The following OXR1 variants were observed in gnomAD, a reference collection of about 807,000 sequenced individuals.
The protein encoded by OXR1 is oxidation resistance protein 1.
In OXR1, 41 loss-of-function variants were observed where a neutral mutation model predicts 104.6. That is an observed-to-expected ratio of 0.39 (90% CI 0.31 to 0.51). OXR1 has a LOEUF of 0.51. Ranked by LOEUF, OXR1 falls within the 20% of genes least tolerant of loss-of-function variation. The probability of loss-of-function intolerance (pLI) is 0.77; values close to 1 mark genes in which losing one functional copy is unlikely to be tolerated. For missense variants in OXR1, 955 were observed against 1,031.9 expected (o/e 0.93, Z 1.02); for synonymous variants, 348 against 348.4 (o/e 1.00, Z 0.01).
intron 1 of OXR1, among the ~76,000 whole-genome samples, chr8:106,347,650 A>T (rs58351058): frequency 0.36 from 54,441 of 151,718 alleles, 10,070 homozygotes; most frequent in Admixed American, 0.44. Context: ...AGCCAGATCA[A>T]ATAAGTAAAT....
In OXR1 at chr8:106,518,999, C is replaced by G; in HGVS notation, c.80C>G (p.Ala27Gly). ...DINAPGFNPL[A>G]GAGKQTPQAS... ...AATGCTCCAGGGTTCAACCCTTTGG[C>G]TGGTGCAGGAAAGCAAACACCACAA... The change falls in exon 3 of 17, where the codon GCT becomes GGT. Residue 27 changes from alanine (A) to glycine (G), a missense_variant. Ala to Gly is a moderately conservative substitution (Grantham distance 60). Around this residue, in one of 2 missense-constraint regions of OXR1, gnomAD observed 849 missense variants for 852.9 expected, o/e 1.00. Coordinates refer to ENST00000517566, the MANE Select transcript of OXR1 (RefSeq NM_001198533.2). 6.4e-7 allele frequency: 1 copy of G among 1,551,692 alleles called. No individual in the cohort carries two copies.
In OXR1 at chr8:106,270,587, G is replaced by T. The variant is rs566194060; in HGVS notation, c.-139+220G>T. On this transcript the variant is annotated intron_variant, in intron 1 of 16. Coordinates refer to ENST00000517566, the MANE Select transcript of OXR1 (RefSeq NM_001198533.2). ...GAGCAGGAGGGCAGAACTAGCTCCA[G>T]CGGGGGCCCAGAGGGCGGACTTGGG... 3.3e-5 allele frequency among the ~76,000 whole-genome samples: 5 copies of T among 152,160 alleles called. No individual in the cohort carries two copies. The South Asian group carries it at 1.0e-3, about 32-fold the overall frequency.
intron 3 of OXR1, among the ~76,000 whole-genome samples, chr8:106,594,126 A>T (rs996404707): frequency 1.3e-5 from 2 of 152,222 alleles, no homozygotes; most frequent in African/African-American, 4.8e-5. Flanking sequence ...ACATATTTTC[A>T]GCAAAGGTCA....
intron 3 of OXR1, among the ~76,000 whole-genome samples, chr8:106,668,219 G>A (rs1826551807): frequency 6.6e-6 from 1 of 151,944 alleles, no homozygotes; most frequent in Non-Finnish European, 1.5e-5. Context: ...CTTTTAGAAT[G>A]TCCTCCTTGA....
At chr8:106,573,612 G>C (rs1283671911) in intron 3 of OXR1, among the ~76,000 whole-genome samples, 1 of 152,130 alleles carries the variant, frequency 6.6e-6, no homozygotes, top group Non-Finnish European at 1.5e-5. Context: ...TTCAAATAAA[G>C]CCATTGTAAA....
At chr8:106,581,154 G>A (rs916877100) in intron 3 of OXR1, 8 of 1,271,288 alleles carry the variant, frequency 6.3e-6, no homozygotes, top group African/African-American at 4.7e-5. Flanking sequence ...GAAATAATCC[G>A]GTGAAATAGC....
At chr8:106,644,067 ATTTAT>A (rs138155944) in intron 3 of OXR1, among the ~76,000 whole-genome samples, 4,215 of 152,298 alleles carry the variant, frequency 0.028, 190 homozygotes, top group African/African-American at 0.096. Flanking sequence ...TTATAAAGAT[ATTTAT>A]TGAGAGAATA....
At chr8:106,606,929 A>C (rs1256115578) in intron 3 of OXR1, among the ~76,000 whole-genome samples, 2 of 152,196 alleles carry the variant, frequency 1.3e-5, no homozygotes, top group African/African-American at 4.8e-5. Flanking sequence ...CCCTTCTCTG[A>C]ATGGTTTTTG....
intron 2 of OXR1, among the ~76,000 whole-genome samples, chr8:106,385,629 G>A (rs1393339366): frequency 6.6e-6 from 1 of 152,106 alleles, no homozygotes; most frequent in Non-Finnish European, 1.5e-5. Context: ...ATGAGTAACC[G>A]TCCAAGGTCA....
At chr8:106,359,671 GA>G in intron 2 of OXR1, 35 bp downstream of exon 2, 1 of 1,463,606 alleles carries the variant, frequency 6.8e-7, no homozygotes, top group Non-Finnish European at 9.4e-7. Flanking sequence ...AAATGTAAAT[GA>G]AAATATATCA....
intron 3 of OXR1, among the ~76,000 whole-genome samples, chr8:106,521,703 G>A (rs568202354): frequency 1.3e-5 from 2 of 152,222 alleles, no homozygotes; most frequent in East Asian, 3.9e-4. Flanking sequence ...TGGTAGAAAC[G>A]GGGTTTCACT....
intron 3 of OXR1, among the ~76,000 whole-genome samples, chr8:106,591,347 T>G: frequency 6.9e-6 from 1 of 143,988 alleles, no homozygotes; most frequent in African/African-American, 2.6e-5. Flanking sequence ...TAATGCTAAA[T>G]GACGAGTTAA....
chr8:106,511,257 C>A (rs775507842), intron 2 of OXR1, among the ~76,000 whole-genome samples: 4 of 152,170 alleles, frequency 2.6e-5, no homozygotes, highest in Non-Finnish European at 5.9e-5. Flanking sequence ...TGTGAAAATT[C>A]TTTATGCATT....
chr8:106,621,046 C>T (rs1179474452), intron 3 of OXR1, among the ~76,000 whole-genome samples: 1 of 152,128 alleles, frequency 6.6e-6, no homozygotes. Flanking sequence ...AACTAGCTTT[C>T]TGAATTTAGA....
At chr8:106,358,896 ATAATT>A (rs1237434029) in intron 1 of OXR1, among the ~76,000 whole-genome samples, 1 of 151,670 alleles carries the variant, frequency 6.6e-6, no homozygotes, top group African/African-American at 2.4e-5. Context: ...AATTCACTAA[ATAATT>A]TAGTGAGTAA....
chr8:106,501,514 G>A (rs555272071), intron 2 of OXR1, among the ~76,000 whole-genome samples: 2 of 152,206 alleles, frequency 1.3e-5, no homozygotes, highest in Non-Finnish European at 2.9e-5. Context: ...CTCTTCGTTT[G>A]CAGAATGGAA....
intron 11 of OXR1, among the ~76,000 whole-genome samples, chr8:106,733,989 AT>A (rs34442106): frequency 0.24 from 33,355 of 140,016 alleles, 4,757 homozygotes; most frequent in South Asian, 0.38. Context: ...TTAATTCTGG[AT>A]TTTTTTTTTT....
chr8:106,748,644 C>T (rs2131605671), intron 16 of OXR1, among the ~76,000 whole-genome samples: 1 of 123,920 alleles, frequency 8.1e-6, no homozygotes, highest in East Asian at 2.7e-4. Context: ...TCTTGGCTCA[C>T]TGTAACCTCT....
chr8:106,477,827 T>G (rs1484315597), intron 2 of OXR1, among the ~76,000 whole-genome samples: 1 of 151,992 alleles, frequency 6.6e-6, no homozygotes, highest in Non-Finnish European at 1.5e-5. Context: ...GTGATAGTAT[T>G]GTGATTGTTT....
Sources: gnomAD v4.1 joint callset for allele counts (sites outside exome capture counted in the v4.1 genomes callset) on GRCh38, gnomAD v4.1.1 for gene constraint, gnomAD v4.1.1 regional missense constraint, MANE v1.5 for transcripts, NCBI Gene and HGNC (gene_info 2026-07-23, HGNC 2026-07-21) for gene names.